DENND2B: variants seen among roughly 807,000 people sequenced by gnomAD.
DENND2B encodes DENN domain containing 2B, also known as DENN domain-containing protein 2B.
A neutral mutation model predicts 116.0 loss-of-function variants in DENND2B; 32 were observed. That is an observed-to-expected ratio of 0.28 (90% CI 0.21 to 0.37). The LOEUF (loss-of-function observed/expected upper bound fraction) is 0.37, where lower values mean the gene tolerates loss of function less well. Among genes scored for constraint, DENND2B ranks in the 10% least tolerant of loss-of-function variants. The probability of loss-of-function intolerance (pLI) is 1.00; values close to 1 mark genes in which losing one functional copy is unlikely to be tolerated. For missense variants in DENND2B, 1,276 were observed against 1,477.7 expected, an observed-to-expected ratio of 0.86 and a Z score of 2.24; for synonymous variants, 588 against 583.9, an observed-to-expected ratio of 1.01 and a Z score of -0.10.
intron 11 of DENND2B, 145 bp downstream of exon 11, chr11:8,710,700 G>A: frequency 1.2e-6 from 1 of 808,896 alleles, no homozygotes; most frequent in South Asian, 1.6e-5. Context: ...GGGGTTCGGG[G>A]TGGCCTCAGG....
At chr11:8,719,195 G>A in intron 4 of DENND2B, 4 of 985,530 alleles carry the variant, frequency 4.1e-6, no homozygotes, top group Non-Finnish European at 4.8e-6. Context: ...AGCTTTCCTA[G>A]AGAGGACACG....
Position 8,895,718 on chromosome 11 carries a change from C to T in DENND2B, c.-255-14609G>A, listed in dbSNP as rs573106241. ...ATATTTAATACCACTGAAGTATACA[C>T]TTAAAAATGCTTAGAAAACTATATT... is the stretch of plus-strand genomic sequence containing the variant. On this transcript the variant is annotated intron_variant, in intron 1 of 22. Coordinates refer to the DENND2B transcript ENST00000534127. The T allele has an allele frequency of 7.2e-5, 11 of 152,296 alleles. No individual in the cohort carries two copies. The East Asian group carries it at 2.1e-3, about 29-fold the overall frequency. 9.4% of individuals were successfully genotyped at this position (152,296 alleles called of 1,614,324 possible).
At chr11:8,760,685 T>C (rs1426549780) in intron 1 of DENND2B, among the ~76,000 whole-genome samples, 1 of 152,174 alleles carries the variant, frequency 6.6e-6, no homozygotes, top group African/African-American at 2.4e-5. Flanking sequence ...TCCCATTCCC[T>C]ACAAAACAGT....
chr11:8,870,758 C>A (rs529095887), intron 2 of DENND2B: 8 of 152,462 alleles, frequency 5.2e-5, no homozygotes, highest in African/African-American at 1.9e-4. Context: ...GAGCCGGCGG[C>A]TACTGACCGC....
chr11:8,811,057 G>A (rs1301116927), upstream of DENND2B: 1 of 380,296 alleles, frequency 2.6e-6, no homozygotes. Context: ...AAGAATCCCT[G>A]CCAGGGGGGA....
rs1487184398 is a variant in DENND2B, at chr11:8,718,097, CCCCCCCA to C, written c.1478-212_1478-206del. 1.1e-5 allele frequency: 3 copies of C among 264,418 alleles called. 1 individual carries two copies. Among genetic ancestry groups the C allele is most frequent in the South Asian group, 9.8e-5 (2 of 20,484 alleles). The allele number at this position is 264,418 out of a possible 1,614,324, so 16.4% of individuals were successfully genotyped here. The stretch of plus-strand genomic sequence containing the variant: ...GGCTCCAAGTCCAGAAGCAGACCCA[CCCCCCCA>C]CCCCCCCCAACCCCCCACCCCCAGC... On this transcript the variant is annotated intron_variant, in intron 4 of 19. Transcript: ENST00000313726.
intron 4 of DENND2B, among the ~76,000 whole-genome samples, chr11:8,822,056 T>C (rs11042089): frequency 0.26 from 39,311 of 152,202 alleles, 5,358 homozygotes; most frequent in South Asian, 0.36. Context: ...ATTTATTTTC[T>C]TAAATTAAAT....
Position 8,710,998 on chromosome 11 carries a change from G to A in DENND2B, c.2283-84C>T, listed in dbSNP as rs368285778. On this transcript the variant is annotated intron_variant, in intron 10 of 19. Coordinates refer to ENST00000313726, the MANE Select transcript of DENND2B (RefSeq NM_213618.2). ...CAAGAATAGGGACCGTCATTTTCAC[G>A]TGGGGTGAAGGGCCAGGTTGCTGTA... 29 of 1,577,076 alleles carry A rather than the reference G, an allele frequency of 1.8e-5. No homozygotes were observed. In the Middle Eastern group the frequency reaches 6.7e-4, roughly 36 times the overall value.
At chr11:8,850,845 A>G (rs551257813) in intron 3 of DENND2B, among the ~76,000 whole-genome samples, 1 of 152,194 alleles carries the variant, frequency 6.6e-6, no homozygotes, top group African/African-American at 2.4e-5. Flanking sequence ...CTATTCAGCT[A>G]TAAAAAAAGA....
At chr11:8,810,790 T>TCTCTCTCTCTCTCTCTCTC, upstream of DENND2B, 1 of 146,996 alleles carries the variant, frequency 6.8e-6, no homozygotes, top group South Asian at 2.1e-4. Context: ...CGCTCTCTTT[T>TCTCTCTCTCTCTCTCTCTC]TCTTTCTTTC....
At chr11:8,787,385 T>G (rs1272072370) in intron 1 of DENND2B, 4 of 152,050 alleles carry the variant, frequency 2.6e-5, no homozygotes, top group Non-Finnish European at 5.9e-5. Flanking sequence ...TTTCCCAGCC[T>G]AGGCTGGACT....
intron 1 of DENND2B, among the ~76,000 whole-genome samples, chr11:8,766,393 T>C (rs911997404): frequency 6.6e-6 from 1 of 152,172 alleles, no homozygotes; most frequent in African/African-American, 2.4e-5. Context: ...GGCACCCCTC[T>C]GAACTCCCTC....
At chr11:8,865,301 C>T (rs1237608043) in intron 2 of DENND2B, among the ~76,000 whole-genome samples, 1 of 152,078 alleles carries the variant, frequency 6.6e-6, no homozygotes, top group Non-Finnish European at 1.5e-5. Flanking sequence ...AGATCATCTC[C>T]AGAGTTTACA....
chr11:8,735,189 G>C (rs2048805514), intron 2 of DENND2B, among the ~76,000 whole-genome samples: 1 of 152,168 alleles, frequency 6.6e-6, no homozygotes, highest in Non-Finnish European at 1.5e-5. Context: ...GAGGCCTCAA[G>C]AGGCCTTGTA....
intron 1 of DENND2B, among the ~76,000 whole-genome samples, chr11:8,800,403 C>T (rs2134405681): frequency 6.6e-6 from 1 of 152,310 alleles, no homozygotes; most frequent in East Asian, 1.9e-4. Context: ...GAGCTCTATG[C>T]ACCATCGAGG....
intron 1 of DENND2B, chr11:8,909,693 T>G (rs982326903): frequency 6.6e-6 from 1 of 152,154 alleles, no homozygotes; most frequent in South Asian, 2.1e-4. Flanking sequence ...AAGCAGGAAA[T>G]TTGCAAAAGT....
chr11:8,776,156 G>GCACACACACACACACA (rs752637012), intron 1 of DENND2B: 18,418 of 307,670 alleles, frequency 0.06, 519 homozygotes, highest in Non-Finnish European at 0.078. Flanking sequence ...GCACGCGCGC[G>GCACACACACACACACA]CGCGCACACA....
In DENND2B at chr11:8,729,925, A is replaced by T. The variant is rs1452528467; in HGVS notation, c.1340+25T>A. On this transcript the variant is annotated intron_variant, in intron 3 of 19. Transcript: ENST00000313726. ...AAAGAAAGCCACGGTATTCAGCTACAACACACCGGAGGGGCATGCATTACC... is the reference window on the plus strand; with the variant it reads ...AAAGAAAGCCACGGTATTCAGCTACTACACACCGGAGGGGCATGCATTACC... The T allele has an allele frequency of 2.5e-6, 4 of 1,610,266 alleles. No homozygotes were observed. The African/African-American group carries it at 5.3e-5, about 22-fold the overall frequency.
chr11:8,882,004 T>A (rs1270033614), intron 1 of DENND2B, among the ~76,000 whole-genome samples: 1 of 152,096 alleles, frequency 6.6e-6, no homozygotes, highest in Non-Finnish European at 1.5e-5. Context: ...AATTGGATTT[T>A]TTTTTCTTGG....
Sources: allele counts gnomAD v4.1 joint callset (sites outside exome capture counted in the v4.1 genomes callset), GRCh38; gene constraint gnomAD v4.1.1; transcripts MANE v1.5; gene names NCBI Gene and HGNC (gene_info 2026-07-23, HGNC 2026-07-21).